NCAM2: variants seen among roughly 807,000 people sequenced by gnomAD.
NCAM2 encodes the protein N-CAM-2.
NCAM2 carries 30 observed loss-of-function variants against 98.1 expected under a neutral mutation model. The observed-to-expected ratio is 0.31, with a 90% CI of 0.23 to 0.41. The LOEUF is 0.41. NCAM2 is among the 10% of genes least tolerant of loss of function. NCAM2 has a pLI of 1.00. For missense variants in NCAM2, 867 were observed against 1,005.8 expected (o/e 0.86, Z 1.87); for synonymous variants, 368 against 342.4 (o/e 1.07, Z -0.83).
At chr21:21,155,115 A>C (rs1416843028) in intron 1 of NCAM2, among the ~76,000 whole-genome samples, 1 of 151,614 alleles carries the variant, frequency 6.6e-6, no homozygotes, top group Admixed American at 6.6e-5. Flanking sequence ...TAATGCCATC[A>C]ACCAAAATAA....
intron 5 of NCAM2, among the ~76,000 whole-genome samples, chr21:21,322,738 G>A (rs935145424): frequency 6.6e-6 from 1 of 152,094 alleles, no homozygotes; most frequent in Admixed American, 6.6e-5. Flanking sequence ...TTTATCTTCT[G>A]AGAAATATCT....
intron 1 of NCAM2, among the ~76,000 whole-genome samples, chr21:21,157,712 G>C (rs1413494413): frequency 1.3e-5 from 2 of 152,070 alleles, no homozygotes; most frequent in African/African-American, 4.8e-5. Context: ...TATATTTGCA[G>C]CTGCAAGACA....
intron 5 of NCAM2, among the ~76,000 whole-genome samples, chr21:21,305,206 T>C (rs889341142): frequency 5.9e-5 from 9 of 152,082 alleles, no homozygotes; most frequent in Admixed American, 5.2e-4. Flanking sequence ...TAATCCCAGA[T>C]ACTCGGGAGG....
At chr21:21,082,293 A>AAC (rs1428131779) in intron 1 of NCAM2, among the ~76,000 whole-genome samples, 5 of 148,490 alleles carry the variant, frequency 3.4e-5, no homozygotes, top group African/African-American at 1.2e-4. Context: ...AAAAAAAAAA[A>AAC]ACAAAACAAA....
At chr21:21,085,010 G>A (rs6518071) in intron 1 of NCAM2, among the ~76,000 whole-genome samples, 133,100 of 152,146 alleles carry the variant, frequency 0.87, 58,360 homozygotes, top group Non-Finnish European at 0.91. Context: ...TTCTATCGCC[G>A]CTTCTGCTCC....
intron 1 of NCAM2, among the ~76,000 whole-genome samples, chr21:21,189,474 C>T (rs189146515): frequency 5.3e-5 from 8 of 152,128 alleles, no homozygotes; most frequent in African/African-American, 1.9e-4. Context: ...GCCTGTAATC[C>T]TAGCACTTTG....
intron 12 of NCAM2, among the ~76,000 whole-genome samples, chr21:21,449,514 C>G (rs963034646): frequency 6.6e-6 from 1 of 151,912 alleles, no homozygotes; most frequent in African/African-American, 2.4e-5. Context: ...GGCTCTCATG[C>G]ACATTTTGAG....
chr21:21,069,752 A>G (rs1353111335), intron 1 of NCAM2, among the ~76,000 whole-genome samples: 1 of 152,122 alleles, frequency 6.6e-6, no homozygotes, highest in Non-Finnish European at 1.5e-5. Flanking sequence ...GCTAAAAAAG[A>G]AGGAAACCCA....
intron 1 of NCAM2, among the ~76,000 whole-genome samples, chr21:21,218,615 A>G (rs574213808): frequency 7.9e-5 from 12 of 152,336 alleles, no homozygotes; most frequent in African/African-American, 2.6e-4. Context: ...AGATATAACT[A>G]TGGAAGAAAG....
intron 9 of NCAM2, among the ~76,000 whole-genome samples, chr21:21,382,923 A>G (rs2076190554): frequency 6.6e-6 from 1 of 151,522 alleles, no homozygotes; most frequent in Non-Finnish European, 1.5e-5. Context: ...AGTTTCATCC[A>G]TTTCATTTTA....
chr21:21,277,349 A>G (rs2147473067), intron 1 of NCAM2, among the ~76,000 whole-genome samples: 1 of 152,264 alleles, frequency 6.6e-6, no homozygotes, highest in South Asian at 2.1e-4. Flanking sequence ...TGATCAACAA[A>G]ATAAGTTTTA....
intron 15 of NCAM2, among the ~76,000 whole-genome samples, chr21:21,482,121 G>A (rs1260222328): frequency 1.3e-5 from 2 of 151,720 alleles, no homozygotes; most frequent in East Asian, 1.9e-4. Context: ...TTATAAAATC[G>A]TGTCTAATTT....
chr21:21,373,810 A>G (rs1204375378), intron 8 of NCAM2, 53 bp from the exon 9 acceptor site: 15 of 1,467,548 alleles, frequency 1.0e-5, no homozygotes, highest in Non-Finnish European at 1.3e-5. Context: ...TTTGGTCACC[A>G]TTTTGCACAC....
chr21:21,328,262 A>G (rs1351263656), intron 6 of NCAM2, among the ~76,000 whole-genome samples: 1 of 152,220 alleles, frequency 6.6e-6, no homozygotes, highest in African/African-American at 2.4e-5. Context: ...ATATAAAAGC[A>G]TATACATATT....
intron 1 of NCAM2, among the ~76,000 whole-genome samples, chr21:21,206,248 T>G (rs566186176): frequency 1.2e-3 from 181 of 152,284 alleles, no homozygotes; most frequent in African/African-American, 4.1e-3. Context: ...ATTCTTATTT[T>G]GTAATAATAA....
At position 21,016,466 on chromosome 21, in the gene NCAM2, A is replaced by G. The variant is rs546032048; in HGVS notation, c.55+17848A>G. On this transcript the variant is annotated intron_variant, in intron 1 of 17. Coordinates refer to ENST00000400546, the MANE Select transcript of NCAM2 (RefSeq NM_004540.5). ...TTTATAAATGAGGTAATGAGATTTT[A>G]AAGAGTTTAGATGACTTGCCTAACT... Among the ~76,000 whole-genome samples the G allele has an allele frequency of 5.3e-5, 8 of 152,328 alleles. No individual in the cohort carries two copies. The East Asian group carries it at 1.5e-3, about 29-fold the overall frequency.
chr21:21,062,984 T>C (rs930442178), intron 1 of NCAM2, among the ~76,000 whole-genome samples: 14 of 152,162 alleles, frequency 9.2e-5, no homozygotes, highest in Non-Finnish European at 1.6e-4. Context: ...ATGCAATTCA[T>C]GCTGGATAAA....
intron 5 of NCAM2, among the ~76,000 whole-genome samples, chr21:21,310,650 A>G (rs772259688): frequency 6.6e-6 from 1 of 152,200 alleles, no homozygotes; most frequent in Non-Finnish European, 1.5e-5. Flanking sequence ...TTAACTATCA[A>G]TATGATTTTT....
intron 1 of NCAM2, among the ~76,000 whole-genome samples, chr21:21,143,428 AT>A (rs2067208754): frequency 6.6e-6 from 1 of 152,004 alleles, no homozygotes; most frequent in South Asian, 2.1e-4. Context: ...TGCCCTGTGA[AT>A]TTTTAATGTA....
Sources: gnomAD v4.1 joint callset for allele counts (sites outside exome capture counted in the v4.1 genomes callset) on GRCh38, gnomAD v4.1.1 for gene constraint, MANE v1.5 for transcripts, NCBI Gene and HGNC (gene_info 2026-07-23, HGNC 2026-07-21) for gene names.